The following CALD1 variants were observed in gnomAD, a reference collection of about 807,000 sequenced individuals.
CALD1 encodes the protein caldesmon 1, also known as caldesmon.
CALD1 carries 33 observed loss-of-function variants against 99.9 expected under a neutral mutation model. The ratio of observed to expected loss-of-function variants is 0.33; its 90% confidence interval spans 0.25 to 0.44. The LOEUF (loss-of-function observed/expected upper bound fraction) is 0.44, where lower values mean the gene tolerates loss of function less well. Ranked by LOEUF, CALD1 falls within the 20% of genes least tolerant of loss-of-function variation. The pLI, the probability that CALD1 is intolerant of heterozygous loss-of-function variation, is 1.00. For missense variants in CALD1, 861 were observed against 962.1 expected (o/e 0.89, Z 1.39); for synonymous variants, 310 against 325.0 (o/e 0.95, Z 0.50).
chr7:134,864,700 T>C (rs998264867), intron 2 of CALD1, among the ~76,000 whole-genome samples: 16 of 152,206 alleles, frequency 1.1e-4, no homozygotes, highest in African/African-American at 3.9e-4. Context: ...GCATCTGGCC[T>C]GAAACCTTTA....
intron 3 of CALD1, among the ~76,000 whole-genome samples, chr7:134,870,604 T>G (rs1801024007): frequency 6.6e-6 from 1 of 152,274 alleles, no homozygotes; most frequent in South Asian, 2.1e-4. Flanking sequence ...AAATTAATCC[T>G]AACCTTGTTT....
intron 3 of CALD1, 189 bp downstream of exon 3, chr7:134,867,993 T>C: frequency 2.5e-6 from 1 of 402,086 alleles, no homozygotes; most frequent in Non-Finnish European, 4.6e-6. Context: ...CAAACAAGAA[T>C]CAAGAAAAAG....
At chr7:134,713,515 T>C in the CALD1 span, among the ~76,000 whole-genome samples, 6 of 152,162 alleles carry the variant, frequency 3.9e-5, no homozygotes, top group Admixed American at 2.6e-4. Context: ...TCAGACTGTG[T>C]TTTGTGGGAC....
intron 1 of CALD1, among the ~76,000 whole-genome samples, chr7:134,816,381 T>G (rs6956447): frequency 0.62 from 93,749 of 152,016 alleles, 29,322 homozygotes; most frequent in East Asian, 0.95. Context: ...AATTGCTAGA[T>G]TCTTGGATTT....
intron 1 of CALD1, among the ~76,000 whole-genome samples, chr7:134,764,480 G>C (rs1359338576): frequency 6.6e-6 from 1 of 152,156 alleles, no homozygotes; most frequent in African/African-American, 2.4e-5. Flanking sequence ...AATGGCATTA[G>C]GGCTTAATAG....
In CALD1 at chr7:134,943,338, G is replaced by A; in HGVS notation, c.1532+2101G>A. Among the ~76,000 whole-genome samples the A allele has an allele frequency of 1.3e-5, 2 of 152,130 alleles. 1 individual carries two copies. On this transcript the variant is annotated intron_variant, in intron 7 of 14. Transcript: ENST00000361675. Reference sequence around the variant, plus strand: ...GCGGGGAGAAAGAACTTTATGGAACGATTTCCACATTAAGTGGCACCCTAA... The same window carrying A: ...GCGGGGAGAAAGAACTTTATGGAACAATTTCCACATTAAGTGGCACCCTAA...
chr7:134,940,250 C>T (rs1045708560), intron 6 of CALD1, among the ~76,000 whole-genome samples: 1 of 152,190 alleles, frequency 6.6e-6, no homozygotes, highest in African/African-American at 2.4e-5. Flanking sequence ...CCCTCCCCCA[C>T]AAAAAGCTAT....
At chr7:134,816,898 C>T (rs1476152882) in intron 1 of CALD1, among the ~76,000 whole-genome samples, 1 of 152,130 alleles carries the variant, frequency 6.6e-6, no homozygotes, top group Non-Finnish European at 1.5e-5. Flanking sequence ...AACCTGTTTC[C>T]TTCCTGGCTT....
intron 1 of CALD1, among the ~76,000 whole-genome samples, chr7:134,793,952 A>G (rs1241822739): frequency 2.0e-5 from 3 of 151,214 alleles, no homozygotes; most frequent in Non-Finnish European, 4.4e-5. Flanking sequence ...TCTGCTCTCT[A>G]TCTTGTCTCA....
intron 2 of CALD1, among the ~76,000 whole-genome samples, chr7:134,851,449 C>A (rs1800077594): frequency 6.6e-6 from 1 of 152,154 alleles, no homozygotes; most frequent in South Asian, 2.1e-4. Context: ...AATAGGAAAT[C>A]AGGAATCTGA....
the CALD1 span, among the ~76,000 whole-genome samples, chr7:134,733,170 A>G: frequency 6.6e-6 from 1 of 152,226 alleles, no homozygotes; most frequent in Non-Finnish European, 1.5e-5. Context: ...TTTTAATAAA[A>G]CTGTCTCTGA....
intron 9 of CALD1, among the ~76,000 whole-genome samples, chr7:134,957,302 T>C (rs1283949619): frequency 6.6e-6 from 1 of 152,192 alleles, no homozygotes; most frequent in Non-Finnish European, 1.5e-5. Flanking sequence ...ACCAAATACA[T>C]AGTTAAAACA....
intron 2 of CALD1, among the ~76,000 whole-genome samples, chr7:134,858,075 CTT>C (rs5887709): frequency 2.0e-5 from 3 of 146,752 alleles, no homozygotes; most frequent in East Asian, 2.0e-4. Context: ...GAGTTGCTGA[CTT>C]TTTTTTTTTT....
At chr7:134,838,156 C>G (rs901792458) in intron 1 of CALD1, among the ~76,000 whole-genome samples, 3 of 152,168 alleles carry the variant, frequency 2.0e-5, no homozygotes, top group Non-Finnish European at 2.9e-5. Context: ...ATTAATACAT[C>G]TTGTCCCTCT....
At chr7:134,829,699 C>T (rs956812905) in intron 1 of CALD1, among the ~76,000 whole-genome samples, 1 of 152,098 alleles carries the variant, frequency 6.6e-6, no homozygotes, top group Non-Finnish European at 1.5e-5. Flanking sequence ...TATGAAGCTA[C>T]TGAAATGTTT....
chr7:134,722,410 T>C, the CALD1 span, among the ~76,000 whole-genome samples: 1 of 151,696 alleles, frequency 6.6e-6, no homozygotes. Flanking sequence ...TATTTATTTA[T>C]TTATTTATTT....
At chr7:134,905,808 C>T (rs1803328140) in intron 3 of CALD1, among the ~76,000 whole-genome samples, 1 of 151,670 alleles carries the variant, frequency 6.6e-6, no homozygotes, top group South Asian at 2.1e-4. Flanking sequence ...CAGCAGGAGA[C>T]ATGGACTTCC....
chr7:134,899,977 A>G (rs747422415), intron 3 of CALD1: 1 of 152,218 alleles, frequency 6.6e-6, no homozygotes, highest in Non-Finnish European at 1.5e-5. Flanking sequence ...AGGAATGTCT[A>G]CATTCACCTT....
At chr7:134,780,422 G>A (rs982945514) in intron 1 of CALD1, among the ~76,000 whole-genome samples, 4 of 151,346 alleles carry the variant, frequency 2.6e-5, no homozygotes, top group Non-Finnish European at 5.9e-5. Flanking sequence ...GAATGCATGC[G>A]CTAGTGGGTG....
Sources: gnomAD v4.1 joint callset for allele counts (sites outside exome capture counted in the v4.1 genomes callset) on GRCh38, gnomAD v4.1.1 for gene constraint, MANE v1.5 for transcripts, NCBI Gene and HGNC (gene_info 2026-07-23, HGNC 2026-07-21) for gene names.